Variants in OPCML observed in about 807,000 individuals in gnomAD.
OPCML encodes the protein opioid-binding protein/cell adhesion molecule.
OPCML carries 13 observed loss-of-function variants against 37.8 expected under a neutral mutation model. The ratio of observed to expected loss-of-function variants is 0.34; its 90% CI spans 0.22 to 0.55. OPCML has a LOEUF of 0.55. OPCML is among the 20% of genes least tolerant of loss of function. The pLI is 0.91. For missense variants in OPCML, 341 were observed against 435.6 expected, an observed-to-expected ratio of 0.78 and a Z score of 1.93; for synonymous variants, 176 against 168.8, an observed-to-expected ratio of 1.04 and a Z score of -0.33.
chr11:133,514,150 C>G (rs1591586796), intron 1 of OPCML, among the ~76,000 whole-genome samples: 2 of 152,344 alleles, frequency 1.3e-5, no homozygotes, highest in Middle Eastern at 6.8e-3. Context: ...TCTGCAAGAC[C>G]TTGGAGCTAC....
chr11:133,378,646 C>A (rs1427126435), intron 1 of OPCML, among the ~76,000 whole-genome samples: 2 of 152,018 alleles, frequency 1.3e-5, no homozygotes, highest in Non-Finnish European at 2.9e-5. Flanking sequence ...TTGCTGCATG[C>A]GAATTTCTTT....
At chr11:132,460,681 C>T (rs544659895) in intron 4 of OPCML, among the ~76,000 whole-genome samples, 138 of 152,286 alleles carry the variant, frequency 9.1e-4, no homozygotes, top group African/African-American at 3.2e-3. Flanking sequence ...AGCAAATAAT[C>T]ATGCACTTCA....
At chr11:133,333,210 C>A (rs1943663519) in intron 1 of OPCML, among the ~76,000 whole-genome samples, 2 of 152,120 alleles carry the variant, frequency 1.3e-5, no homozygotes, top group South Asian at 2.1e-4. Context: ...AGGCACCCAC[C>A]ACCATGCCCA....
intron 4 of OPCML, among the ~76,000 whole-genome samples, chr11:132,476,761 A>T (rs1045902336): frequency 6.6e-6 from 1 of 152,048 alleles, no homozygotes; most frequent in Non-Finnish European, 1.5e-5. Flanking sequence ...TAATGGGTGC[A>T]GCACACCAAC....
intron 2 of OPCML, among the ~76,000 whole-genome samples, chr11:132,869,970 T>C (rs1055157345): frequency 6.6e-6 from 1 of 152,212 alleles, no homozygotes; most frequent in Non-Finnish European, 1.5e-5. Flanking sequence ...TCTATTTAAA[T>C]GAGTGTAGAA....
intron 1 of OPCML, among the ~76,000 whole-genome samples, chr11:133,315,348 G>A (rs1943180455): frequency 6.6e-6 from 1 of 152,140 alleles, no homozygotes; most frequent in Non-Finnish European, 1.5e-5. Context: ...CTTGACCACT[G>A]AGAGGACTCT....
At chr11:132,433,311 C>T (rs1009236861) in intron 7 of OPCML, among the ~76,000 whole-genome samples, 44 of 152,266 alleles carry the variant, frequency 2.9e-4, no homozygotes, top group African/African-American at 1.1e-3. Flanking sequence ...TTCACAGTGA[C>T]ACTCTCATGT....
intron 2 of OPCML, among the ~76,000 whole-genome samples, chr11:132,822,098 C>G (rs1453188588): frequency 6.6e-6 from 1 of 152,158 alleles, no homozygotes; most frequent in African/African-American, 2.4e-5. Context: ...GACCAGCAAG[C>G]CTGGCTCAGG....
chr11:132,987,123 G>C (rs980361072), intron 1 of OPCML, among the ~76,000 whole-genome samples: 2 of 152,096 alleles, frequency 1.3e-5, no homozygotes, highest in African/African-American at 4.8e-5. Context: ...AATGTGCTAG[G>C]TGCCCCAATC....
intron 4 of OPCML, among the ~76,000 whole-genome samples, chr11:132,493,178 C>A (rs2096221358): frequency 6.6e-6 from 1 of 152,134 alleles, no homozygotes; most frequent in African/African-American, 2.4e-5. Flanking sequence ...GGAAGTTGGA[C>A]CTGCTGGTAA....
At chr11:133,235,274 G>A (rs1322745986) in intron 1 of OPCML, among the ~76,000 whole-genome samples, 2 of 152,176 alleles carry the variant, frequency 1.3e-5, no homozygotes, top group African/African-American at 4.8e-5. Context: ...CCCTCAGTAA[G>A]AGACCAACGT....
At position 133,178,539 on chromosome 11, in the gene OPCML, G is replaced by A. The variant is rs1041006156; in HGVS notation, c.62-235529C>T. ...CTATCTACCAGAAGCCTCTGGGCTC[G>A]TTGGGGAAATAAGACATACTTCTCA... On this transcript the variant is annotated intron_variant, in intron 1 of 7. Transcript: ENST00000524381. Among the ~76,000 whole-genome samples, 9 of 152,244 alleles carry A rather than the reference G, an allele frequency of 5.9e-5. No individual in the cohort carries two copies. The East Asian group carries it at 9.7e-4, about 16-fold the overall frequency.
At chr11:132,843,172 G>A (rs536749207) in intron 2 of OPCML, among the ~76,000 whole-genome samples, 88 of 143,890 alleles carry the variant, frequency 6.1e-4, no homozygotes, top group African/African-American at 1.9e-3. Context: ...TAGGCTCACC[G>A]CAACCTCTGT....
chr11:132,478,675 T>C (rs953451093), intron 4 of OPCML, among the ~76,000 whole-genome samples: 1 of 152,244 alleles, frequency 6.6e-6, no homozygotes, highest in Non-Finnish European at 1.5e-5. Flanking sequence ...AGTTGATAAC[T>C]GTTGTCTTTA....
rs149903185 is a variant in OPCML, at chr11:132,722,281, A to T, written c.147-64962T>A. Among the ~76,000 whole-genome samples the T allele has an allele frequency of 8.8e-3, 1,324 of 150,910 alleles. 15 individuals carry two copies. Among genetic ancestry groups the T allele is most frequent in the African/African-American group, 0.03 (1,223 of 41,044 alleles). ...ATTTTTTTTTTTCATACTTCTTTCT[A>T]ACAGGTATCTAAACTCACACCACAT... On this transcript the variant is annotated intron_variant, in intron 2 of 7. Coordinates refer to ENST00000524381, the MANE Select transcript of OPCML (RefSeq NM_001012393.5).
intron 1 of OPCML, among the ~76,000 whole-genome samples, chr11:133,405,472 C>A (rs1389022724): frequency 6.6e-6 from 1 of 152,200 alleles, no homozygotes; most frequent in African/African-American, 2.4e-5. Flanking sequence ...CTGTTGCCAT[C>A]TGCATTTGGG....
At chr11:133,384,589 A>T (rs1264003803) in intron 1 of OPCML, among the ~76,000 whole-genome samples, 1 of 152,206 alleles carries the variant, frequency 6.6e-6, no homozygotes, top group Non-Finnish European at 1.5e-5. Flanking sequence ...TTATCATCTC[A>T]GTCTATCAAT....
chr11:133,032,209 C>T (rs1258078056), intron 1 of OPCML, among the ~76,000 whole-genome samples: 2 of 152,174 alleles, frequency 1.3e-5, no homozygotes, highest in Non-Finnish European at 2.9e-5. Flanking sequence ...GTGACCTTGA[C>T]CTGGTTAAAT....
chr11:133,170,701 T>C (rs1262355446), intron 1 of OPCML, among the ~76,000 whole-genome samples: 1 of 151,152 alleles, frequency 6.6e-6, no homozygotes, highest in Non-Finnish European at 1.5e-5. Context: ...TGAATTTAAG[T>C]CTAAATGAGT....
Sources: allele counts gnomAD v4.1 joint callset (sites outside exome capture counted in the v4.1 genomes callset), GRCh38; gene constraint gnomAD v4.1.1; transcripts MANE v1.5; gene names NCBI Gene and HGNC (gene_info 2026-07-23, HGNC 2026-07-21).